Variants in DNAH3 observed in about 807,000 individuals in gnomAD.
The protein encoded by DNAH3 is dynein axonemal heavy chain 3.
DNAH3 carries 332 observed loss-of-function variants against 432.5 expected under a neutral mutation model. The ratio of observed to expected loss-of-function variants is 0.77; its 90% CI spans 0.70 to 0.84. DNAH3 has a LOEUF of 0.84. Among genes scored for constraint, DNAH3 ranks in the 40% least tolerant of loss-of-function variants. DNAH3 has a pLI of 0.00. For missense variants in DNAH3, 4,861 were observed against 5,114.0 expected (o/e 0.95, Z 1.51); for synonymous variants, 1,956 against 1,900.2 (o/e 1.03, Z -0.76).
At chr16:20,954,539 C>T (rs2084471908) in intron 55 of DNAH3, among the ~76,000 whole-genome samples, 1 of 152,068 alleles carries the variant, frequency 6.6e-6, no homozygotes, top group African/African-American at 2.4e-5. Flanking sequence ...TTCTGCCTCC[C>T]TTGGCCTCCC....
intron 7 of DNAH3, among the ~76,000 whole-genome samples, chr16:21,132,833 G>A (rs903519963): frequency 6.6e-6 from 1 of 152,058 alleles, no homozygotes; most frequent in East Asian, 1.9e-4. Flanking sequence ...ACAAACTTGT[G>A]AATATATTAA....
rs527913071 is a variant in DNAH3, at chr16:20,948,776, C to T, written c.11189-139G>A. ...ATAGGGACAGCAAGCAGGAAAATTC[C>T]GGGCAGAAGATGGCGGGTCCCCTGC... On this transcript the variant is annotated intron_variant, in intron 56 of 61. Coordinates refer to ENST00000261383, the Ensembl canonical transcript of DNAH3. 71 of 943,826 alleles carry T rather than the reference C, an allele frequency of 7.5e-5. No individual in the cohort carries two copies. In the African/African-American group the frequency reaches 7.7e-4, roughly 10 times the overall value. The allele number at this position is 943,826 out of a possible 1,614,324, so 58.5% of individuals were successfully genotyped here. A position where few individuals can be genotyped will look rare whatever the true frequency, so the allele number is the denominator to read the frequency against.
intron 44 of DNAH3, among the ~76,000 whole-genome samples, chr16:20,989,052 A>C (rs2086389503): frequency 6.6e-6 from 1 of 152,156 alleles, no homozygotes; most frequent in Admixed American, 6.5e-5. Flanking sequence ...CACCAGTAAG[A>C]TTTACTGCAA....
In DNAH3 at chr16:21,027,241, A is replaced by G. The variant is rs2088615973; in HGVS notation, c.5440-114T>C. 4.0e-6 allele frequency: 3 copies of G among 755,172 alleles called. No individual in the cohort carries two copies. The South Asian group carries it at 4.7e-5, about 12-fold the overall frequency. The allele number at this position is 755,172 out of a possible 1,614,324, so 46.8% of individuals were successfully genotyped here. A position where few individuals can be genotyped will look rare whatever the true frequency, so the allele number is the denominator to read the frequency against. On this transcript the variant is annotated intron_variant, in intron 37 of 61. Transcript: ENST00000261383. ...TGATTCATTCCATAAATATTTCTTG[A>G]GCACTTATGATGTCCCAGGCACTGT...
chr16:21,031,891 G>C (rs2152724486), intron 36 of DNAH3, among the ~76,000 whole-genome samples: 1 of 152,282 alleles, frequency 6.6e-6, no homozygotes, highest in Non-Finnish European at 1.5e-5. Context: ...AGCTGGGCGT[G>C]GTGGCGCATG....
intron 16 of DNAH3, among the ~76,000 whole-genome samples, chr16:21,102,220 A>G (rs77919055): frequency 0.057 from 8,698 of 152,212 alleles, 325 homozygotes; most frequent in Non-Finnish European, 0.085. Flanking sequence ...GAACCAGCGG[A>G]TGAGATCAAG....
chr16:21,120,722 T>C (rs537263594), intron 11 of DNAH3: 1 of 1,573,166 alleles, frequency 6.4e-7, no homozygotes, highest in African/African-American at 1.3e-5. Flanking sequence ...TCATCAAATG[T>C]AGTACCGGCC....
At chr16:21,048,047 C>T (rs1387828868) in intron 31 of DNAH3, among the ~76,000 whole-genome samples, 1 of 152,204 alleles carries the variant, frequency 6.6e-6, no homozygotes, top group African/African-American at 2.4e-5. Flanking sequence ...AGATCTCCAG[C>T]TGCTTGCTGT....
chr16:21,098,582 C>T, intron 17 of DNAH3, 34 bp downstream of exon 17: 1 of 1,593,346 alleles, frequency 6.3e-7, no homozygotes, highest in South Asian at 1.2e-5. Context: ...TAGACCAGTA[C>T]AGTGTCATAA....
intron 26 of DNAH3, among the ~76,000 whole-genome samples, chr16:21,059,068 C>CT (rs2090245702): frequency 6.6e-6 from 1 of 152,092 alleles, no homozygotes; most frequent in South Asian, 2.1e-4. Flanking sequence ...TAAATATTGT[C>CT]TGATGCTTTT....
chr16:20,935,310 T>C, intron 61 of DNAH3, 38 bp downstream of exon 61: 1 of 1,610,004 alleles, frequency 6.2e-7, no homozygotes, highest in Non-Finnish European at 8.5e-7. Context: ...CTTTCTCTGG[T>C]CAGCCCCTTG....
At chr16:21,134,657 C>T (rs1044358635) in intron 6 of DNAH3, among the ~76,000 whole-genome samples, 1 of 152,030 alleles carries the variant, frequency 6.6e-6, no homozygotes, top group African/African-American at 2.4e-5. Flanking sequence ...TATGCCTGGC[C>T]TTAGAGTCAA....
intron 57 of DNAH3, among the ~76,000 whole-genome samples, 168 bp downstream of exon 57, chr16:20,948,315 C>T (rs1425557086): frequency 6.6e-6 from 1 of 152,164 alleles, no homozygotes; most frequent in African/African-American, 2.4e-5. Context: ...TAAACAGTAG[C>T]CATGTCTCTC....
chr16:21,141,598 T>C (rs1158271042), intron 3 of DNAH3, among the ~76,000 whole-genome samples: 1 of 152,212 alleles, frequency 6.6e-6, no homozygotes, highest in Non-Finnish European at 1.5e-5. Flanking sequence ...CTTCCTCAAC[T>C]GTAAAGTGGG....
chr16:20,959,213 C>T (rs368233531), exon 54 of DNAH3: 2 of 1,614,082 alleles, frequency 1.2e-6, no homozygotes, highest in East Asian at 2.2e-5. Flanking sequence ...GGAACAATCA[C>T]CTCCTCACAA....
At chr16:21,132,042 T>C (rs1422159963) in intron 7 of DNAH3, among the ~76,000 whole-genome samples, 2 of 152,160 alleles carry the variant, frequency 1.3e-5, no homozygotes, top group Admixed American at 1.3e-4. Context: ...AAATTACTTC[T>C]TTTTTCTCAA....
intron 31 of DNAH3, among the ~76,000 whole-genome samples, chr16:21,048,271 C>T (rs543578117): frequency 5.9e-5 from 9 of 152,358 alleles, no homozygotes; most frequent in Admixed American, 3.9e-4. Context: ...GCCCCTCCCC[C>T]AGCCAGGCTG....
intron 51 of DNAH3, among the ~76,000 whole-genome samples, chr16:20,973,032 A>G (rs527630077): frequency 2.0e-5 from 3 of 152,012 alleles, no homozygotes; most frequent in South Asian, 4.2e-4. Flanking sequence ...CCCAGCTGCC[A>G]TGACCTATTT....
At position 20,987,936 on chromosome 16, in the gene DNAH3, T is replaced by G; in HGVS notation, c.6725+6A>C. The G allele has an allele frequency of 1.2e-6, 2 of 1,614,104 alleles. No individual in the cohort carries two copies. The highest frequency in any genetic ancestry group is 1.6e-4 in the Middle Eastern group (1 of 6,062). ...CACTATCCAGGAAGACAGAGAAACCTCTTACCTTAAAAACATCACATCAAA... is the reference window on the plus strand; with the variant it reads ...CACTATCCAGGAAGACAGAGAAACCGCTTACCTTAAAAACATCACATCAAA... On this transcript the variant is annotated splice_donor_region_variant and intron_variant, in intron 45 of 61. Coordinates refer to ENST00000261383, the Ensembl canonical transcript of DNAH3.
Sources: gnomAD v4.1 joint callset for allele counts (sites outside exome capture counted in the v4.1 genomes callset) on GRCh38, gnomAD v4.1.1 for gene constraint, MANE v1.5 for transcripts, NCBI Gene and HGNC (gene_info 2026-07-23, HGNC 2026-07-21) for gene names.